The following STK32B variants were observed in gnomAD, a reference collection of about 807,000 sequenced individuals.
STK32B encodes serine/threonine-protein kinase 32B.
A neutral mutation model predicts 52.6 loss-of-function variants in STK32B; 43 were observed. That is an observed-to-expected ratio of 0.82 (90% CI 0.64 to 1.05). STK32B has a LOEUF of 1.05. Among genes scored for constraint, STK32B ranks in the 50% least tolerant of loss-of-function variants. The pLI is 0.00. For synonymous variants in STK32B, 238 were observed against 204.3 expected (o/e 1.17, Z -1.41); for missense variants, 621 against 534.6 (o/e 1.16, Z -1.59).
intron 3 of STK32B, among the ~76,000 whole-genome samples, chr4:5,168,737 C>G (rs1719092658): frequency 1.3e-5 from 2 of 152,112 alleles, no homozygotes; most frequent in African/African-American, 4.8e-5. Context: ...TAAGAGAATG[C>G]CGAAGATAGG....
At chr4:5,107,092 T>G (rs2108799291) in intron 1 of STK32B, among the ~76,000 whole-genome samples, 1 of 152,268 alleles carries the variant, frequency 6.6e-6, no homozygotes, top group South Asian at 2.1e-4. Context: ...ACTCTCACAT[T>G]ACCACCTGAG....
chr4:5,379,349 G>A (rs982770), intron 4 of STK32B, among the ~76,000 whole-genome samples: 54,851 of 151,836 alleles, frequency 0.36, 12,156 homozygotes, highest in African/African-American at 0.63. Flanking sequence ...TGCTGACTGC[G>A]TGCTCCCCTC....
intron 1 of STK32B, among the ~76,000 whole-genome samples, chr4:5,053,127 T>C (rs1741855281): frequency 6.6e-6 from 1 of 152,180 alleles, no homozygotes; most frequent in African/African-American, 2.4e-5. Context: ...CTCAAAAAGA[T>C]AGATGAACAC....
chr4:5,477,549 G>T (rs1056273009), intron 11 of STK32B, among the ~76,000 whole-genome samples: 2 of 152,166 alleles, frequency 1.3e-5, no homozygotes, highest in African/African-American at 4.8e-5. Context: ...CAAATGCACA[G>T]TTTCAGTGAC....
chr4:5,270,099 A>G (rs534073941), intron 3 of STK32B, among the ~76,000 whole-genome samples: 46 of 152,280 alleles, frequency 3.0e-4, no homozygotes, highest in Non-Finnish European at 6.5e-4. Context: ...AATAGAAGGG[A>G]TCTTCCTCAA....
intron 3 of STK32B, among the ~76,000 whole-genome samples, chr4:5,200,050 A>G (rs1722007827): frequency 6.6e-6 from 1 of 152,170 alleles, no homozygotes. Flanking sequence ...AGGCAGCCTG[A>G]ATGTGACTCT....
At chr4:5,480,112 GTAA>G (rs1718567082) in intron 11 of STK32B, among the ~76,000 whole-genome samples, 1 of 152,130 alleles carries the variant, frequency 6.6e-6, no homozygotes, top group Non-Finnish European at 1.5e-5. Flanking sequence ...ATGTTTCCTA[GTAA>G]TATTAATTAT....
chr4:5,390,639 T>C (rs944173902), intron 4 of STK32B, among the ~76,000 whole-genome samples: 2 of 152,052 alleles, frequency 1.3e-5, no homozygotes, highest in Non-Finnish European at 1.5e-5. Flanking sequence ...AAATGGACAA[T>C]GTCAAGCTGT....
At chr4:5,056,093 C>G (rs924518906) in intron 1 of STK32B, among the ~76,000 whole-genome samples, 5 of 152,106 alleles carry the variant, frequency 3.3e-5, no homozygotes, top group Non-Finnish European at 7.3e-5. Context: ...CCTGTCAGAT[C>G]AGCAGCCGCA....
chr4:5,057,620 A>G (rs1742057101), intron 1 of STK32B, among the ~76,000 whole-genome samples: 1 of 152,176 alleles, frequency 6.6e-6, no homozygotes, highest in South Asian at 2.1e-4. Context: ...GTGTTAGGAT[A>G]GAGGGAGGAT....
At chr4:5,252,440 C>T (rs1428682508) in intron 3 of STK32B, among the ~76,000 whole-genome samples, 1 of 152,172 alleles carries the variant, frequency 6.6e-6, no homozygotes, top group Non-Finnish European at 1.5e-5. Context: ...CCATCAGTGG[C>T]ACCCATTGGA....
chr4:5,299,790 G>C (rs986801948), intron 3 of STK32B, among the ~76,000 whole-genome samples: 1 of 152,068 alleles, frequency 6.6e-6, no homozygotes, highest in Non-Finnish European at 1.5e-5. Context: ...AATTGGATCA[G>C]TAATTTTAAA....
At chr4:5,132,658 G>A (rs1715850192) in intron 1 of STK32B, among the ~76,000 whole-genome samples, 1 of 152,034 alleles carries the variant, frequency 6.6e-6, no homozygotes, top group South Asian at 2.1e-4. Context: ...GCTGACAGCA[G>A]GATTTCAGCC....
intron 4 of STK32B, among the ~76,000 whole-genome samples, chr4:5,332,820 T>C (rs1732367034): frequency 1.3e-5 from 2 of 152,228 alleles, no homozygotes; most frequent in African/African-American, 2.4e-5. Flanking sequence ...AAAAAGGACA[T>C]GAACTCATCA....
At chr4:5,054,439 A>T (rs1741919555) in intron 1 of STK32B, among the ~76,000 whole-genome samples, 1 of 148,380 alleles carries the variant, frequency 6.7e-6, no homozygotes, top group African/African-American at 2.5e-5. Context: ...TGGGTGATAG[A>T]AGGGGGAAGG....
chr4:5,189,739 T>C (rs1422525630), intron 3 of STK32B, among the ~76,000 whole-genome samples: 1 of 152,166 alleles, frequency 6.6e-6, no homozygotes, highest in Non-Finnish European at 1.5e-5. Context: ...CCAATCTGTT[T>C]TCCAAAATGG....
chr4:5,438,337 C>T (rs3774831), intron 6 of STK32B, among the ~76,000 whole-genome samples: 14,251 of 152,234 alleles, frequency 0.094, 1,026 homozygotes, highest in East Asian at 0.4. Context: ...ACTAGGAAAG[C>T]ATTAAATATT....
At chr4:5,313,838 G>C (rs1274616130) in intron 3 of STK32B, among the ~76,000 whole-genome samples, 1 of 152,084 alleles carries the variant, frequency 6.6e-6, no homozygotes, top group Non-Finnish European at 1.5e-5. Context: ...CCCATTTACA[G>C]TCATTCCATA....
intron 3 of STK32B, among the ~76,000 whole-genome samples, chr4:5,251,511 C>T (rs1725926629): frequency 6.6e-6 from 1 of 152,112 alleles, no homozygotes; most frequent in Admixed American, 6.6e-5. Flanking sequence ...GTCAGGTAAG[C>T]ATGAAGCCTC....
Sources: allele counts gnomAD v4.1 joint callset (sites outside exome capture counted in the v4.1 genomes callset), GRCh38; gene constraint gnomAD v4.1.1; transcripts MANE v1.5; gene names NCBI Gene and HGNC (gene_info 2026-07-23, HGNC 2026-07-21).